CREM: variants seen among roughly 807,000 people sequenced by gnomAD.
CREM encodes the protein cAMP responsive element modulator.
A neutral mutation model predicts 37.3 loss-of-function variants in CREM; 13 were observed. The observed-to-expected ratio is 0.35, with a 90% CI of 0.23 to 0.55. The LOEUF (loss-of-function observed/expected upper bound fraction) is 0.55, where lower values mean the gene tolerates loss of function less well. Among genes scored for constraint, CREM ranks in the 20% least tolerant of loss-of-function variants. CREM has a pLI of 0.88. For synonymous variants in CREM, 124 were observed against 120.2 expected (o/e 1.03, Z -0.21); for missense variants, 296 against 362.3 (o/e 0.82, Z 1.49).
intron 2 of CREM, among the ~76,000 whole-genome samples, chr10:35,143,290 GA>G (rs2091683295): frequency 6.6e-6 from 1 of 152,148 alleles, no homozygotes; most frequent in African/African-American, 2.4e-5. Flanking sequence ...ATTAAAATGA[GA>G]AGCCATGTTA....
In CREM at chr10:35,179,260, T is replaced by G; in HGVS notation, c.393T>G (p.Thr131=). ...CAGTACCAACTAGCATATATCAGAC[T>G]AGCACGGGGCAATACAGTATGTATG... ...TMAVPTSIYQ[T]STGQYIAIAQ... is the part of the protein sequence containing the mutation. The change falls in exon 5 of 8, where the codon ACT becomes ACG. Residue 131 remains threonine, a synonymous_variant. Coordinates refer to ENST00000685392, the MANE Select transcript of CREM (RefSeq NM_183011.2). 6.2e-7 allele frequency: 1 copy of G among 1,614,148 alleles called. No individual in the cohort carries two copies. The highest frequency in any genetic ancestry group is 1.1e-5 in the South Asian group (1 of 91,078).
chr10:35,169,321 G>C (rs1363123599), intron 3 of CREM, among the ~76,000 whole-genome samples: 2 of 152,160 alleles, frequency 1.3e-5, no homozygotes, highest in Non-Finnish European at 1.5e-5. Flanking sequence ...CACATCCCTT[G>C]TAAGTTGGAT....
At chr10:35,187,171 T>C (rs540103980) in intron 5 of CREM, among the ~76,000 whole-genome samples, 1 of 42,064 alleles carries the variant, frequency 2.4e-5, no homozygotes, top group Non-Finnish European at 4.6e-5. Flanking sequence ...TATTATATAT[T>C]AATATTAATA....
At chr10:35,204,077 A>G (rs1588837576) in intron 6 of CREM, among the ~76,000 whole-genome samples, 2 of 152,218 alleles carry the variant, frequency 1.3e-5, no homozygotes, top group Non-Finnish European at 2.9e-5. Context: ...GAGAAAAAAG[A>G]GGAGAGCTAT....
Position 35,149,716 on chromosome 10 carries a change from G to A in CREM, c.168+1225G>A, listed in dbSNP as rs539496405. Among the ~76,000 whole-genome samples the A allele has an allele frequency of 6.6e-5, 10 of 152,202 alleles. 1 individual carries two copies. The South Asian group carries it at 2.1e-3, about 32-fold the overall frequency. ...GGGTTATATTAGGCCAGACTGGTGT[G>A]AGAGCTCTCCTTTCCTGTGCACCCA... On this transcript the variant is annotated intron_variant, in intron 3 of 7. Transcript: ENST00000685392.
At chr10:35,143,661 T>G (rs1484364412) in intron 2 of CREM, among the ~76,000 whole-genome samples, 8 of 152,144 alleles carry the variant, frequency 5.3e-5, no homozygotes, top group Non-Finnish European at 1.0e-4. Context: ...AGTCTTCAGT[T>G]TACATCCTGG....
intron 3 of CREM, among the ~76,000 whole-genome samples, chr10:35,166,696 C>T (rs982452735): frequency 2.6e-5 from 4 of 151,322 alleles, no homozygotes; most frequent in Middle Eastern, 3.2e-3. Flanking sequence ...GCCACTGAAC[C>T]GCAGCCTGAG....
intron 5 of CREM, among the ~76,000 whole-genome samples, chr10:35,186,608 ATT>A (rs2094560909): frequency 6.9e-6 from 1 of 145,588 alleles, no homozygotes; most frequent in Admixed American, 7.0e-5. Context: ...TTTTATATAT[ATT>A]TATATATAAA....
At chr10:35,174,937 G>A (rs2093981820) in intron 3 of CREM, among the ~76,000 whole-genome samples, 1 of 152,188 alleles carries the variant, frequency 6.6e-6, no homozygotes, top group Non-Finnish European at 1.5e-5. Context: ...TAGCTAGGGA[G>A]AGGAAAAGTG....
chr10:35,154,208 T>A (rs765775810), intron 3 of CREM: 309 of 396,576 alleles, frequency 7.8e-4, no homozygotes, highest in Non-Finnish European at 1.2e-3. Context: ...AAAATTGGAA[T>A]GGCATTTCTC....
At chr10:35,189,177 G>GTTTTTTTTTTT (rs201302253) in intron 6 of CREM, among the ~76,000 whole-genome samples, 1 of 144,254 alleles carries the variant, frequency 6.9e-6, no homozygotes, top group African/African-American at 2.5e-5. Context: ...TGGGTTTTTT[G>GTTTTTTTTTTT]TTTTTTTTTG....
At chr10:35,154,002 AC>A (rs1158851443) in intron 3 of CREM, 17 of 397,680 alleles carry the variant, frequency 4.3e-5, no homozygotes. Context: ...AAAGTGACTG[AC>A]TCTTCTGAAT....
chr10:35,175,711 T>C (rs377100626), intron 3 of CREM: 92 of 1,614,060 alleles, frequency 5.7e-5, no homozygotes, highest in Non-Finnish European at 6.9e-5. Context: ...CGATGGTAAG[T>C]ATCCTAGATA....
At chr10:35,195,775 C>A in intron 6 of CREM, 1 of 478,640 alleles carries the variant, frequency 2.1e-6, no homozygotes, top group Non-Finnish European at 3.8e-6. Context: ...GTTCAAAAGG[C>A]TGATGTCATT....
At chr10:35,148,669 C>G in intron 3 of CREM, 178 bp downstream of exon 3, 1 of 660,554 alleles carries the variant, frequency 1.5e-6, no homozygotes, top group Non-Finnish European at 2.4e-6. Context: ...TTTTAACAGA[C>G]ATTCAGCAGT....
rs2093294731 is a variant in CREM, at chr10:35,161,535, G to GCACCTGTAATCCC, written c.168+13045_168+13057dup. Reference sequence around the variant, plus strand: ...AAAAATTAGCCAGGAGTGGTGTTGTGCACCTGTAATCCCAGTTACTCAGAG... The same window carrying GCACCTGTAATCCC: ...AAAAATTAGCCAGGAGTGGTGTTGTGCACCTGTAATCCCCACCTGTAATCCCAGTTACTCAGAG... On this transcript the variant is annotated intron_variant, in intron 3 of 7. Transcript: ENST00000685392. Among the ~76,000 whole-genome samples the GCACCTGTAATCCC allele has an allele frequency of 2.0e-5, 3 of 151,792 alleles. No individual in the cohort carries two copies. The South Asian group carries it at 6.2e-4, about 32-fold the overall frequency.
intron 3 of CREM, chr10:35,175,688 A>G (rs752096148): frequency 5.6e-6 from 9 of 1,614,102 alleles, no homozygotes; most frequent in Admixed American, 3.3e-5. Flanking sequence ...GTTCCAGGAC[A>G]GTAACCACCT....
intron 2 of CREM, among the ~76,000 whole-genome samples, chr10:35,144,600 G>GA (rs1326336820): frequency 1.1e-4 from 17 of 152,072 alleles, no homozygotes; most frequent in Non-Finnish European, 1.5e-5. Context: ...TGCCCCCAGA[G>GA]AAAAATGGAC....
chr10:35,183,342 C>G (rs1295156101), intron 5 of CREM, among the ~76,000 whole-genome samples: 1 of 152,136 alleles, frequency 6.6e-6, no homozygotes, highest in African/African-American at 2.4e-5. Flanking sequence ...AATTCAACTT[C>G]TTCATAAAGG....
Sources: gnomAD v4.1 joint callset for allele counts (sites outside exome capture counted in the v4.1 genomes callset) on GRCh38, gnomAD v4.1.1 for gene constraint, MANE v1.5 for transcripts, NCBI Gene and HGNC (gene_info 2026-07-23, HGNC 2026-07-21) for gene names.